DCAF6: variants seen among roughly 807,000 people sequenced by gnomAD.
DCAF6 encodes DDB1 and CUL4 associated factor 6.
In DCAF6, 54 loss-of-function variants were observed where a neutral mutation model predicts 125.1. The ratio of observed to expected loss-of-function variants is 0.43; its 90% confidence interval spans 0.35 to 0.54. The LOEUF is 0.54. Ranked by LOEUF, DCAF6 falls within the 20% of genes least tolerant of loss-of-function variation. The pLI is 0.01. For missense variants in DCAF6, 934 were observed against 1,161.7 expected, an observed-to-expected ratio of 0.80 and a Z score of 2.85; for synonymous variants, 371 against 390.4, an observed-to-expected ratio of 0.95 and a Z score of 0.58.
the DCAF6 span, among the ~76,000 whole-genome samples, chr1:167,907,828 A>C: frequency 4.1e-4 from 62 of 152,370 alleles, no homozygotes; most frequent in Middle Eastern, 3.4e-3. Flanking sequence ...TATCCTTGTG[A>C]GTAAAATATA....
At chr1:167,959,365 T>C (rs1054308127) in intron 2 of DCAF6, among the ~76,000 whole-genome samples, 3 of 152,238 alleles carry the variant, frequency 2.0e-5, no homozygotes, top group Non-Finnish European at 4.4e-5. Context: ...GGTGTGCACA[T>C]ACGTTTACGT....
Position 168,012,445 on chromosome 1 carries a change from C to T in DCAF6, c.1379-3336C>T, listed in dbSNP as rs574963218. 1.2e-4 allele frequency among the ~76,000 whole-genome samples: 18 copies of T among 152,234 alleles called. No homozygotes were observed. In the East Asian group the frequency reaches 1.7e-3, roughly 15 times the overall value. ...TAATACCTTGTTGAATTTTTATCAT[C>T]GTTGTTTTTAAAATTCAACCCAAGG... is the stretch of plus-strand genomic sequence containing the variant. On this transcript the variant is annotated intron_variant, in intron 10 of 21. Coordinates refer to ENST00000367840, the MANE Select transcript of DCAF6 (RefSeq NM_001198956.2).
At chr1:168,042,363 A>T (rs1688653567) in intron 13 of DCAF6, among the ~76,000 whole-genome samples, 1 of 152,106 alleles carries the variant, frequency 6.6e-6, no homozygotes, top group African/African-American at 2.4e-5. Context: ...GATTTGTCAC[A>T]GAATACTTAT....
the DCAF6 span, among the ~76,000 whole-genome samples, chr1:167,911,831 T>C: frequency 6.6e-6 from 1 of 152,254 alleles, no homozygotes; most frequent in Non-Finnish European, 1.5e-5. Context: ...TAAGATTCTA[T>C]TGTTTTAATT....
At chr1:167,944,937 A>G (rs1672830671) in intron 1 of DCAF6, among the ~76,000 whole-genome samples, 1 of 152,200 alleles carries the variant, frequency 6.6e-6, no homozygotes, top group African/African-American at 2.4e-5. Context: ...TCTTCTGCAT[A>G]TGGATATCTA....
intron 1 of DCAF6, among the ~76,000 whole-genome samples, chr1:167,945,835 G>A (rs925882478): frequency 1.7e-4 from 26 of 150,752 alleles, no homozygotes; most frequent in African/African-American, 5.6e-4. Context: ...TTGTAAATGG[G>A]ATTGTGTTCT....
At chr1:167,919,951 G>C in the DCAF6 span, 3 of 1,546,380 alleles carry the variant, frequency 1.9e-6, no homozygotes, top group Admixed American at 1.9e-5. Context: ...TTTTGCAACA[G>C]TTTTAAAAAT....
the DCAF6 span, among the ~76,000 whole-genome samples, chr1:167,899,258 G>T: frequency 3.3e-5 from 5 of 152,184 alleles, no homozygotes; most frequent in African/African-American, 1.2e-4. Context: ...GCTCCTCCCA[G>T]AGGAGCTGCC....
chr1:167,925,408 A>G, the DCAF6 span, among the ~76,000 whole-genome samples: 1 of 141,564 alleles, frequency 7.1e-6, no homozygotes, highest in Admixed American at 7.1e-5. Flanking sequence ...ATATATATGT[A>G]TGTGTATATA....
the DCAF6 span, among the ~76,000 whole-genome samples, chr1:167,877,841 G>C: frequency 6.6e-6 from 1 of 152,184 alleles, no homozygotes; most frequent in African/African-American, 2.4e-5. Flanking sequence ...GATTAGGTGG[G>C]TGCTGATGAG....
Position 168,045,205 on chromosome 1 carries a change from T to C in DCAF6, c.2236T>C (p.Tyr746His). 1 of 1,612,334 alleles carries C rather than the reference T, an allele frequency of 6.2e-7. No individual in the cohort carries two copies. The highest frequency in any genetic ancestry group is 8.5e-7 in the Non-Finnish European group (1 of 1,179,310). ...CCCAGTCCTGATCCCAGGTGCAAGG[T>C]ATCGAGCAGGACCTGGTGATAGGTT... ...DDPVLIPGAR[Y>H]RAGPGDRFNI... The change falls in exon 16 of 22, where the codon TAT becomes CAT. Residue 746 changes from tyrosine (Y) to histidine (H), a missense_variant. By Grantham distance (83) the Tyr-to-His change is moderately conservative (BLOSUM62 2). This residue lies in a region of DCAF6 where 559 missense variants were observed against 635.5 expected (regional missense o/e 0.88). Coordinates refer to ENST00000367840, the MANE Select transcript of DCAF6 (RefSeq NM_001198956.2).
intron 4 of DCAF6, among the ~76,000 whole-genome samples, chr1:167,982,849 T>C (rs1437620811): frequency 1.3e-5 from 2 of 152,126 alleles, no homozygotes; most frequent in East Asian, 3.9e-4. Context: ...TGGTGAAATG[T>C]AGGGGGGTCC....
chr1:167,972,055 C>T (rs1480004434), intron 3 of DCAF6, among the ~76,000 whole-genome samples: 1 of 152,144 alleles, frequency 6.6e-6, no homozygotes, highest in African/African-American at 2.4e-5. Context: ...GGGGTTTCGC[C>T]ATGTTGGGCA....
At chr1:167,904,747 A>G in the DCAF6 span, 1 of 615,840 alleles carries the variant, frequency 1.6e-6, no homozygotes, top group African/African-American at 1.8e-5. Context: ...GAGATACTGG[A>G]GCAAAGAATG....
chr1:167,866,027 G>A, the DCAF6 span, among the ~76,000 whole-genome samples: 1 of 152,210 alleles, frequency 6.6e-6, no homozygotes, highest in East Asian at 1.9e-4. Flanking sequence ...AGGAAACTTA[G>A]GATTCCTTGG....
At chr1:167,891,462 C>T in the DCAF6 span, among the ~76,000 whole-genome samples, 2 of 151,574 alleles carry the variant, frequency 1.3e-5, no homozygotes, top group African/African-American at 2.4e-5. Context: ...CGAGACCATC[C>T]TGGCTAACAC....
At chr1:167,938,966 A>C (rs73024131) in intron 1 of DCAF6, among the ~76,000 whole-genome samples, 87 of 152,294 alleles carry the variant, frequency 5.7e-4, no homozygotes, top group African/African-American at 2.1e-3. Context: ...ACATACAGGG[A>C]GTTCTTTATC....
At chr1:167,987,019 T>G in intron 4 of DCAF6, among the ~76,000 whole-genome samples, 1 of 152,186 alleles carries the variant, frequency 6.6e-6, no homozygotes, top group East Asian at 1.9e-4. Context: ...TGTATAACCA[T>G]TACCACAATT....
upstream of DCAF6, chr1:167,935,615 G>T: frequency 1.3e-6 from 1 of 772,324 alleles, no homozygotes; most frequent in Non-Finnish European, 2.2e-6. Context: ...TTCACTTGAA[G>T]GGAAGGGATT....
Sources: gnomAD v4.1 joint callset for allele counts (sites outside exome capture counted in the v4.1 genomes callset) on GRCh38, gnomAD v4.1.1 for gene constraint, gnomAD v4.1.1 regional missense constraint, MANE v1.5 for transcripts, NCBI Gene and HGNC (gene_info 2026-07-23, HGNC 2026-07-21) for gene names.